SLC20A1: variants seen among roughly 807,000 people sequenced by gnomAD.
The protein encoded by SLC20A1 is sodium-dependent phosphate transporter 1.
In SLC20A1, 28 loss-of-function variants were observed where a neutral mutation model predicts 62.7. The observed-to-expected ratio is 0.45, with a 90% CI of 0.33 to 0.61. SLC20A1 has a LOEUF of 0.61. Ranked by LOEUF, SLC20A1 falls within the 20% of genes least tolerant of loss-of-function variation. The pLI is 0.02. For missense variants in SLC20A1, 673 were observed against 838.6 expected (o/e 0.80, Z 2.44); for synonymous variants, 305 against 302.9 (o/e 1.01, Z -0.07).
Position 112,659,331 on chromosome 2 carries a change from C to T in SLC20A1, c.1176C>T (p.Leu392=). Reference sequence around the variant, plus strand: ...ATTCCGGCCTGTACAAAGAGCTACTCCATAAATTACATCTTGCCAAGGTGG... The same window carrying T: ...ATTCCGGCCTGTACAAAGAGCTACTTCATAAATTACATCTTGCCAAGGTGG... The part of the protein sequence containing the change: ...HKDSGLYKEL[L]HKLHLAKVGD... Residue 392 remains leucine, a synonymous_variant, in exon 8 of 11, where the codon CTC becomes CTT. Coordinates refer to ENST00000272542, the MANE Select transcript of SLC20A1 (RefSeq NM_005415.5). 6.2e-7 allele frequency: 1 copy of T among 1,614,160 alleles called. No homozygotes were observed. Among genetic ancestry groups the T allele is most frequent in the Non-Finnish European group, 8.5e-7 (1 of 1,180,036 alleles).
chr2:112,649,983 G>A (rs1686391617), intron 4 of SLC20A1, among the ~76,000 whole-genome samples: 1 of 152,058 alleles, frequency 6.6e-6, no homozygotes, highest in South Asian at 2.1e-4. Context: ...GACCTTTCTT[G>A]TTTTACCTTC....
At chr2:112,652,568 T>A (rs1057039995) in intron 4 of SLC20A1, 134 bp from the exon 5 acceptor site, 122 of 670,774 alleles carry the variant, frequency 1.8e-4, no homozygotes, top group Non-Finnish European at 2.9e-4. Context: ...CAGGAAAAAC[T>A]CTGTTGTCCT....
In SLC20A1 at chr2:112,659,632, A is replaced by C. The variant is rs373154282; in HGVS notation, c.1477A>C (p.Arg493=). Residue 493 remains arginine (R), a synonymous_variant, in exon 8 of 11, where the codon AGA becomes CGA. Transcript: ENST00000272542. The part of the protein sequence containing the change: ...SVKAEMGLGD[R]KGSNGSLEEW... Reference sequence around the variant, plus strand: ...CAAGGCAGAGATGGGTCTAGGTGACAGAAAAGGAAGTAATGGCTCTCTAGA... The same window carrying C: ...CAAGGCAGAGATGGGTCTAGGTGACCGAAAAGGAAGTAATGGCTCTCTAGA... 1.2e-6 allele frequency: 2 copies of C among 1,614,244 alleles called. No homozygotes were observed. Among genetic ancestry groups the C allele is most frequent in the Non-Finnish European group, 1.7e-6 (2 of 1,180,038 alleles).
At chr2:112,660,665 C>T in intron 9 of SLC20A1, 93 bp downstream of exon 9, 1 of 1,066,756 alleles carries the variant, frequency 9.4e-7, no homozygotes, top group Non-Finnish European at 1.3e-6. Context: ...CTAAAGTAAC[C>T]AAGTTTGTAT....
rs771703173 is a variant in SLC20A1 at position 112,659,748 on chromosome 2, T to C, written c.1593T>C (p.Gly531=). 1.2e-5 allele frequency: 19 copies of C among 1,612,678 alleles called. No individual in the cohort carries two copies. Among genetic ancestry groups the C allele is most frequent in the Non-Finnish European group, 1.6e-5 (19 of 1,179,042 alleles). Residue 531 remains glycine (G), a synonymous_variant, in exon 8 of 11, where the codon GGT becomes GGC. Transcript: ENST00000272542. ...CCTGCTTTGGGTCATTCGCCCATGG[T>C]GGCAATGACGTAAGGTCAGTTGACA... ...LTACFGSFAH[G]GNDVSNAIGP... is the part of the protein sequence containing the mutation.
chr2:112,659,226 G>A lies in SLC20A1; in HGVS notation c.1071G>A (p.Gly357=). The stretch of plus-strand genomic sequence containing the variant: ...TAGGTGCAGTGCAGTTGCCTAATGG[G>A]AACCTTGTCCAGTTCAGTCAAGCCG... The part of the protein sequence containing the change: ...TVNGAVQLPN[G]NLVQFSQAVS... Residue 357 remains glycine, a synonymous_variant, in exon 8 of 11, where the codon GGG becomes GGA. Transcript: ENST00000272542. 1 of 1,613,662 alleles carries A rather than the reference G, an allele frequency of 6.2e-7. No individual in the cohort carries two copies. Among genetic ancestry groups the A allele is most frequent in the East Asian group, 2.2e-5 (1 of 44,856 alleles).
Position 112,646,850 on chromosome 2 carries a change from A to G in SLC20A1, c.22A>G (p.Thr8Ala). ...GAGAATGGCAACGCTGATTACCAGT[A>G]CTACAGCTGCTACCGCCGCTTCTGG... is the stretch of plus-strand genomic sequence containing the variant. Reference protein sequence around the residue: MATLITSTTAATAASGPL... With the variant: MATLITSATAATAASGPL... Residue 8 changes from threonine (T) to alanine (A), a missense_variant, in exon 2 of 11, where the codon ACT becomes GCT. Physicochemically the swap from Thr to Ala is moderately conservative, Grantham distance 58 (BLOSUM62 0). Transcript: ENST00000272542. 6.2e-7 allele frequency: 1 copy of G among 1,612,800 alleles called. No homozygotes were observed. The highest frequency in any genetic ancestry group is 8.5e-7 in the Non-Finnish European group (1 of 1,179,116).
chr2:112,659,088 G>A lies in SLC20A1; in HGVS notation c.1042G>A (p.Val348Met), dbSNP rs770142025. 18 of 1,611,840 alleles carry A rather than the reference G, an allele frequency of 1.1e-5. No individual in the cohort carries two copies. The South Asian group carries it at 1.3e-4, about 12-fold the overall frequency. Residue 348 changes from valine to methionine, a missense_variant, in exon 7 of 11, where the codon GTG (valine) becomes ATG (methionine). Physicochemically the swap from Val to Met is conservative, Grantham distance 21 (BLOSUM62 1). Transcript: ENST00000272542. ...LKEETSIDST[V>M]NGAVQLPNGN... ...AGAGGAAACCAGCATAGATAGCACC[G>A]TGAATGGTGAGTTGGAATTCCTGGT...
intron 5 of SLC20A1, among the ~76,000 whole-genome samples, chr2:112,654,356 A>G (rs1402262252): frequency 6.6e-6 from 1 of 152,216 alleles, no homozygotes; most frequent in Non-Finnish European, 1.5e-5. Context: ...CTCATTCTTT[A>G]TGTGGTAGAA....
At chr2:112,658,753 G>A in intron 6 of SLC20A1, 72 bp from the exon 7 acceptor site, 3 of 1,479,998 alleles carry the variant, frequency 2.0e-6, no homozygotes, top group Non-Finnish European at 2.7e-6. Flanking sequence ...TTTGGGGGTG[G>A]AGGAAAGGAG....
chr2:112,660,077 A>T (rs1458939944), intron 8 of SLC20A1, among the ~76,000 whole-genome samples: 2 of 152,256 alleles, frequency 1.3e-5, no homozygotes, highest in Non-Finnish European at 2.9e-5. Flanking sequence ...TGAAAAACTT[A>T]AAAGTTTTTC....
chr2:112,662,876 G>A lies in SLC20A1; in HGVS notation c.1891G>A (p.Val631Met). The A allele has an allele frequency of 6.2e-7, 1 of 1,614,146 alleles. No individual in the cohort carries two copies. Among genetic ancestry groups the A allele is most frequent in the Non-Finnish European group, 8.5e-7 (1 of 1,180,006 alleles). Residue 631 changes from valine to methionine, a missense_variant, in exon 11 of 11, where the codon GTG (valine) becomes ATG (methionine). By Grantham distance (21) the Val-to-Met change is conservative (BLOSUM62 1). Transcript: ENST00000272542. Reference sequence around the variant, plus strand: ...GCTTCTCTTCTAGGTGGGCTCTGTTGTGTCTGTTGGCTGGCTCCGGTCCAA... The same window carrying A: ...GCTTCTCTTCTAGGTGGGCTCTGTTATGTCTGTTGGCTGGCTCCGGTCCAA... ...STTHCKVGSV[V>M]SVGWLRSKKA... is the part of the protein sequence containing the mutation.
At chr2:112,646,192 T>C (rs1422864766) in intron 1 of SLC20A1, 63 bp downstream of exon 1, 1 of 151,944 alleles carries the variant, frequency 6.6e-6, no homozygotes, top group Non-Finnish European at 1.5e-5. Context: ...GCGGACGCCG[T>C]GGCGCTGGAG....
At chr2:112,662,790 A>G (rs1686787219) in intron 10 of SLC20A1, 74 bp from the exon 11 acceptor site, 2 of 1,490,650 alleles carry the variant, frequency 1.3e-6, no homozygotes, top group African/African-American at 1.4e-5. Flanking sequence ...TTGTCCAAAC[A>G]GTCTCAGGTG....
intron 8 of SLC20A1, 63 bp from the exon 9 acceptor site, chr2:112,660,324 T>C (rs970467676): frequency 6.4e-6 from 9 of 1,410,976 alleles, no homozygotes; most frequent in African/African-American, 2.9e-5. Context: ...ATTCAGCAGA[T>C]TGGGTCTTGC....
chr2:112,662,802 C>T (rs557004529), intron 10 of SLC20A1, 62 bp from the exon 11 acceptor site: 1 of 1,556,222 alleles, frequency 6.4e-7, no homozygotes, highest in African/African-American at 1.4e-5. Flanking sequence ...TCTCAGGTGT[C>T]TGTTTGCCAG....
rs1353550991 is a variant in SLC20A1 at position 112,647,218 on chromosome 2, G to C, written c.334+56G>C. ...TGGTGGGTGAGCAAATTTGTATCAT[G>C]GGTGGTTCCATTTTTGTGCATAACC... On this transcript the variant is annotated intron_variant, in intron 2 of 10. Transcript: ENST00000272542. 48 of 1,584,130 alleles carry C rather than the reference G, an allele frequency of 3.0e-5. No individual in the cohort carries two copies. The East Asian group carries it at 1.0e-3, about 33-fold the overall frequency.
chr2:112,646,019 G>C lies in SLC20A1; in HGVS notation c.-377G>C, dbSNP rs980947929. 6.6e-6 allele frequency: 1 copy of C among 151,752 alleles called. No homozygotes were observed. The highest frequency in any genetic ancestry group is 2.4e-5 in the African/African-American group (1 of 41,332). 9.4% of individuals were successfully genotyped at this position (151,752 alleles called of 1,614,324 possible). On this transcript the variant is annotated 5_prime_UTR_variant, in exon 1 of 11. Coordinates refer to ENST00000272542, the MANE Select transcript of SLC20A1 (RefSeq NM_005415.5). ...CCCGCGGCTGCTTCCTGGGAAGGTC[G>C]TGAGTCCCGCTGAGCTGTCCCCGGT...
Position 112,658,978 on chromosome 2 carries a change from T to C in SLC20A1, c.932T>C (p.Val311Ala), listed in dbSNP as rs763384310. 5.0e-6 allele frequency: 8 copies of C among 1,614,092 alleles called. No individual in the cohort carries two copies. In the South Asian group the frequency reaches 7.7e-5, roughly 16 times the overall value. Residue 311 changes from valine to alanine, a missense_variant, in exon 7 of 11, where the codon GTG becomes GCG. Transcript: ENST00000272542. ...CCTGCCACTGTGCCCCTCCAGGCTG[T>C]GGTGGAGGAGAGAACAGTCTCATTC... is the stretch of plus-strand genomic sequence containing the variant. ...VGPATVPLQAVVEERTVSFKL... is the reference protein window; with the variant it reads ...VGPATVPLQAAVEERTVSFKL...
Sources: gnomAD v4.1 joint callset for allele counts (sites outside exome capture counted in the v4.1 genomes callset) on GRCh38, gnomAD v4.1.1 for gene constraint, MANE v1.5 for transcripts, NCBI Gene and HGNC (gene_info 2026-07-23, HGNC 2026-07-21) for gene names.